DPP10: variants seen among roughly 807,000 people sequenced by gnomAD.
The protein encoded by DPP10 is inactive dipeptidyl peptidase 10.
DPP10 carries 33 observed loss-of-function variants against 120.9 expected under a neutral mutation model. That is an observed-to-expected ratio of 0.27 (90% confidence interval 0.21 to 0.37). The LOEUF (loss-of-function observed/expected upper bound fraction) is 0.37. Among genes scored for constraint, DPP10 ranks in the 10% least tolerant of loss-of-function variants. The probability of loss-of-function intolerance (pLI) is 1.00; values close to 1 mark genes in which losing one functional copy is unlikely to be tolerated. For synonymous variants in DPP10, 337 were observed against 326.1 expected, an observed-to-expected ratio of 1.03 and a Z score of -0.36; for missense variants, 816 against 942.8, an observed-to-expected ratio of 0.87 and a Z score of 1.76.
intron 3 of DPP10, among the ~76,000 whole-genome samples, chr2:115,371,819 A>G (rs928809417): frequency 3.3e-5 from 5 of 152,160 alleles, no homozygotes; most frequent in African/African-American, 1.2e-4. Context: ...TGTTCTAATA[A>G]GAAAGAATAT....
intron 3 of DPP10, among the ~76,000 whole-genome samples, chr2:115,449,021 A>G (rs1214685522): frequency 6.6e-6 from 1 of 152,184 alleles, no homozygotes; most frequent in Admixed American, 6.5e-5. Flanking sequence ...GAATAAATGA[A>G]TAAAAAAACT....
intron 1 of DPP10, among the ~76,000 whole-genome samples, chr2:114,865,510 G>A (rs1690151952): frequency 6.6e-6 from 1 of 152,320 alleles, no homozygotes; most frequent in South Asian, 2.1e-4. Context: ...ATATGGGAAA[G>A]GCATTCTTAA....
intron 5 of DPP10, among the ~76,000 whole-genome samples, chr2:115,545,724 T>C (rs1216909207): frequency 1.3e-5 from 2 of 152,136 alleles, no homozygotes; most frequent in African/African-American, 4.8e-5. Context: ...CAAGGGCTCA[T>C]AAATCCTCAA....
At chr2:114,587,093 C>G (rs934442694) in intron 1 of DPP10, among the ~76,000 whole-genome samples, 5 of 151,876 alleles carry the variant, frequency 3.3e-5, no homozygotes, top group African/African-American at 1.2e-4. Context: ...GTCAGGAGTT[C>G]GAGCCCAGCC....
At chr2:114,811,314 C>T (rs1463732165) in intron 1 of DPP10, among the ~76,000 whole-genome samples, 2 of 152,182 alleles carry the variant, frequency 1.3e-5, no homozygotes, top group Non-Finnish European at 2.9e-5. Flanking sequence ...GGAGATATGT[C>T]TGGGAACGAA....
chr2:115,508,723 C>G (rs1159475578), intron 4 of DPP10, among the ~76,000 whole-genome samples: 1 of 152,000 alleles, frequency 6.6e-6, no homozygotes, highest in Non-Finnish European at 1.5e-5. Context: ...GCCAACATGG[C>G]GAAACCCCAT....
intron 2 of DPP10, among the ~76,000 whole-genome samples, chr2:115,336,508 T>C (rs1467444482): frequency 6.6e-6 from 1 of 151,964 alleles, no homozygotes; most frequent in Non-Finnish European, 1.5e-5. Context: ...TTTACACTTT[T>C]AATAGCAACT....
chr2:114,643,272 G>A (rs1695850198), intron 1 of DPP10, among the ~76,000 whole-genome samples: 2 of 151,782 alleles, frequency 1.3e-5, no homozygotes, highest in South Asian at 4.1e-4. Flanking sequence ...GACAGCCAGG[G>A]GCAGGGAGGG....
intron 21 of DPP10, among the ~76,000 whole-genome samples, chr2:115,826,000 A>G (rs987418903): frequency 6.6e-6 from 1 of 152,258 alleles, no homozygotes; most frequent in African/African-American, 2.4e-5. Flanking sequence ...AAGCAGGAAC[A>G]GTTGAAAAAT....
chr2:115,070,211 A>G (rs1396919), intron 1 of DPP10, among the ~76,000 whole-genome samples: 23,858 of 152,050 alleles, frequency 0.16, 2,020 homozygotes, highest in East Asian at 0.17. Flanking sequence ...TGTGTTTAGG[A>G]CTATGCTTGT....
intron 1 of DPP10, among the ~76,000 whole-genome samples, chr2:114,480,168 A>G (rs1486163153): frequency 1.3e-5 from 2 of 151,802 alleles, no homozygotes; most frequent in East Asian, 3.9e-4. Context: ...ACCATCTCAC[A>G]CCAGTTAGAA....
At chr2:115,678,408 C>T (rs1310513931) in intron 5 of DPP10, among the ~76,000 whole-genome samples, 1 of 152,248 alleles carries the variant, frequency 6.6e-6, no homozygotes, top group African/African-American at 2.4e-5. Flanking sequence ...CTGGCCATTG[C>T]TTCAGGTGCA....
chr2:115,795,115 A>G (rs189621869), intron 19 of DPP10, among the ~76,000 whole-genome samples: 1 of 152,326 alleles, frequency 6.6e-6, no homozygotes, highest in Admixed American at 6.5e-5. Flanking sequence ...CATTTGGTAA[A>G]CAAACAAATA....
chr2:115,794,334 A>T (rs1459005492), intron 19 of DPP10, among the ~76,000 whole-genome samples: 1 of 152,178 alleles, frequency 6.6e-6, no homozygotes, highest in African/African-American at 2.4e-5. Flanking sequence ...TGAAAGAAAG[A>T]CTGCCCTGGA....
intron 8 of DPP10, among the ~76,000 whole-genome samples, chr2:115,732,174 C>T (rs1159283727): frequency 6.6e-6 from 1 of 152,038 alleles, no homozygotes; most frequent in African/African-American, 2.4e-5. Flanking sequence ...CAGAAAGTAA[C>T]ATGTAACATT....
chr2:115,116,041 TG>T (rs766576708), intron 1 of DPP10, among the ~76,000 whole-genome samples: 1 of 152,244 alleles, frequency 6.6e-6, no homozygotes, highest in Non-Finnish European at 1.5e-5. Flanking sequence ...TCTCAACTGC[TG>T]CATACTACAC....
At chr2:115,762,493 C>T in intron 11 of DPP10, 79 bp from the exon 12 acceptor site, 2 of 1,470,498 alleles carry the variant, frequency 1.4e-6, no homozygotes, top group Non-Finnish European at 1.9e-6. Flanking sequence ...AAACTGATAA[C>T]CGTGTTTTAA....
At chr2:115,735,445 G>C (rs540137567) in intron 8 of DPP10, among the ~76,000 whole-genome samples, 68 of 152,006 alleles carry the variant, frequency 4.5e-4, no homozygotes, top group African/African-American at 1.6e-3. Flanking sequence ...TTTCTGTCAG[G>C]ATGCTACAGA....
At chr2:115,148,188 T>C (rs1222702255) in intron 1 of DPP10, among the ~76,000 whole-genome samples, 1 of 152,176 alleles carries the variant, frequency 6.6e-6, no homozygotes, top group East Asian at 1.9e-4. Context: ...GGCTGTTTAG[T>C]TCTGCAATCA....
Sources: allele counts gnomAD v4.1 joint callset (sites outside exome capture counted in the v4.1 genomes callset), GRCh38; gene constraint gnomAD v4.1.1; transcripts MANE v1.5; gene names NCBI Gene and HGNC (gene_info 2026-07-23, HGNC 2026-07-21).